Variants in FGD4 observed in about 807,000 individuals in gnomAD.
FGD4 encodes FYVE, RhoGEF and PH domain-containing protein 4.
A neutral mutation model predicts 102.0 loss-of-function variants in FGD4; 42 were observed. The ratio of observed to expected loss-of-function variants is 0.41; its 90% CI spans 0.32 to 0.53. The LOEUF is 0.53. Among genes scored for constraint, FGD4 ranks in the 20% least tolerant of loss-of-function variants. The probability of loss-of-function intolerance (pLI) is 0.21; values close to 1 mark genes in which losing one functional copy is unlikely to be tolerated. For missense variants in FGD4, 902 were observed against 1,078.2 expected, an observed-to-expected ratio of 0.84 and a Z score of 2.29; for synonymous variants, 380 against 375.7, an observed-to-expected ratio of 1.01 and a Z score of -0.13.
intron 10 of FGD4, among the ~76,000 whole-genome samples, chr12:32,613,051 A>G (rs1949244425): frequency 6.6e-6 from 1 of 152,352 alleles, no homozygotes; most frequent in Admixed American, 6.5e-5. Context: ...CTAACATTGA[A>G]TAATAGCTTA....
intron 1 of FGD4, among the ~76,000 whole-genome samples, chr12:32,560,323 C>T (rs554477681): frequency 2.0e-5 from 3 of 152,288 alleles, no homozygotes; most frequent in Non-Finnish European, 4.4e-5. Context: ...GTGATCACGG[C>T]TCACTGTGGC....
intron 1 of FGD4, among the ~76,000 whole-genome samples, chr12:32,519,828 TC>T (rs1217239321): frequency 1.3e-5 from 2 of 151,988 alleles, no homozygotes; most frequent in Admixed American, 1.3e-4. Flanking sequence ...GCACTTGTAG[TC>T]CCATCTACTT....
intron 1 of FGD4, among the ~76,000 whole-genome samples, chr12:32,469,431 A>C (rs939678441): frequency 6.6e-6 from 1 of 151,282 alleles, no homozygotes; most frequent in Non-Finnish European, 1.5e-5. Flanking sequence ...GGTGTGTGCC[A>C]CCATGCCTGG....
At chr12:32,583,542 A>G (rs902696832) in intron 4 of FGD4, among the ~76,000 whole-genome samples, 2 of 152,320 alleles carry the variant, frequency 1.3e-5, no homozygotes, top group African/African-American at 2.4e-5. Flanking sequence ...ATGTCAATAA[A>G]TGAAGCAGCC....
intron 1 of FGD4, among the ~76,000 whole-genome samples, chr12:32,496,753 A>G (rs1408756779): frequency 1.3e-5 from 2 of 152,212 alleles, no homozygotes; most frequent in Non-Finnish European, 2.9e-5. Context: ...AAATATCTAG[A>G]TTCCAATTAT....
intron 1 of FGD4, among the ~76,000 whole-genome samples, chr12:32,518,354 G>A (rs747414331): frequency 3.0e-4 from 45 of 152,048 alleles, no homozygotes; most frequent in Non-Finnish European, 2.9e-4. Flanking sequence ...GGCACATGCC[G>A]GTAATCACAG....
In FGD4 at chr12:32,451,595, G is replaced by T. The variant is rs113745145; in HGVS notation, c.166+51636G>T. Among the ~76,000 whole-genome samples the T allele has an allele frequency of 5.2e-4, 79 of 151,552 alleles. 3 individuals carry two copies. The highest frequency in any genetic ancestry group is 1.8e-3 in the African/African-American group (76 of 41,410). ...AAGGTCTTTTTTTTCTTTGAAAAAT[G>T]CATGAGGTTTGAAAGTTACTACTTA... On this transcript the variant is annotated intron_variant, in intron 1 of 16. Coordinates refer to ENST00000534526, the MANE Select transcript of FGD4 (RefSeq NM_001370298.3).
intron 1 of FGD4, among the ~76,000 whole-genome samples, chr12:32,533,845 G>A (rs61928290): frequency 5.9e-4 from 90 of 152,196 alleles, no homozygotes; most frequent in Non-Finnish European, 9.9e-4. Context: ...TAACATATAC[G>A]ACTTGTTTTC....
At position 32,644,500 on chromosome 12, in the gene FGD4, A is replaced by G. The variant is rs1199609821; in HGVS notation, c.*3967A>G. 6.6e-6 allele frequency: 1 copy of G among 152,218 alleles called. No individual in the cohort carries two copies. Among genetic ancestry groups the G allele is most frequent in the Non-Finnish European group, 1.5e-5 (1 of 68,022 alleles). The allele number at this position is 152,218 out of a possible 1,614,324, so 9.4% of individuals were successfully genotyped here. On this transcript the variant is annotated 3_prime_UTR_variant, in exon 17 of 17. Transcript: ENST00000534526. ...AATTGTTTAACTTAAATATTTTAAC[A>G]TAAATTATTTACATGGATCTTTATG...
intron 1 of FGD4, among the ~76,000 whole-genome samples, chr12:32,425,733 C>T (rs1415422993): frequency 6.6e-6 from 1 of 152,118 alleles, no homozygotes; most frequent in East Asian, 1.9e-4. Context: ...TTGTTTGTGT[C>T]CTCTCTTATT....
At chr12:32,478,348 T>C (rs999548165) in intron 1 of FGD4, among the ~76,000 whole-genome samples, 1 of 152,186 alleles carries the variant, frequency 6.6e-6, no homozygotes, top group Non-Finnish European at 1.5e-5. Context: ...CACTGCAGCC[T>C]CCGTCTCCCA....
At chr12:32,416,115 C>T (rs927478377) in intron 1 of FGD4, among the ~76,000 whole-genome samples, 6 of 152,122 alleles carry the variant, frequency 3.9e-5, no homozygotes, top group African/African-American at 1.4e-4. Context: ...TTTCTTCAGC[C>T]TTCCAAGTAA....
chr12:32,586,669 G>A (rs904235827), intron 4 of FGD4, among the ~76,000 whole-genome samples: 1 of 152,100 alleles, frequency 6.6e-6, no homozygotes, highest in Non-Finnish European at 1.5e-5. Flanking sequence ...AGATGAAGGG[G>A]GCCTGGATGA....
intron 1 of FGD4, among the ~76,000 whole-genome samples, chr12:32,442,993 A>G (rs1247393623): frequency 6.6e-6 from 1 of 152,154 alleles, no homozygotes; most frequent in Non-Finnish European, 1.5e-5. Context: ...ACAGATGTCT[A>G]TTCAGGTATT....
At chr12:32,524,211 A>C (rs1565800645) in intron 1 of FGD4, among the ~76,000 whole-genome samples, 1 of 151,592 alleles carries the variant, frequency 6.6e-6, no homozygotes, top group Non-Finnish European at 1.5e-5. Flanking sequence ...CCTGGCTAAC[A>C]CGGTGAAACC....
At chr12:32,573,092 C>G (rs1945806227) in intron 2 of FGD4, among the ~76,000 whole-genome samples, 1 of 152,086 alleles carries the variant, frequency 6.6e-6, no homozygotes, top group Non-Finnish European at 1.5e-5. Flanking sequence ...TGGTTTTTAA[C>G]TGGAATTGGA....
At chr12:32,485,946 T>G (rs898941514) in intron 1 of FGD4, 7 of 1,277,396 alleles carry the variant, frequency 5.5e-6, no homozygotes, top group Non-Finnish European at 6.9e-6. Context: ...AGAAGACTTA[T>G]GAAACAGAAC....
intron 1 of FGD4, among the ~76,000 whole-genome samples, chr12:32,512,292 A>T (rs566232934): frequency 2.6e-5 from 4 of 152,160 alleles, no homozygotes; most frequent in Admixed American, 6.5e-5. Flanking sequence ...ACTAAAAATT[A>T]AAAAATTAGC....
chr12:32,560,034 C>T (rs1444521485), intron 1 of FGD4, among the ~76,000 whole-genome samples: 1 of 152,146 alleles, frequency 6.6e-6, no homozygotes, highest in Non-Finnish European at 1.5e-5. Flanking sequence ...CTTCACTAGA[C>T]CCCGGGAGGT....
Sources: allele counts gnomAD v4.1 joint callset (sites outside exome capture counted in the v4.1 genomes callset), GRCh38; gene constraint gnomAD v4.1.1; transcripts MANE v1.5; gene names NCBI Gene and HGNC (gene_info 2026-07-23, HGNC 2026-07-21).